The following SLC25A26 variants were observed in gnomAD, a reference collection of about 807,000 sequenced individuals.
The protein encoded by SLC25A26 is mitochondrial S-adenosylmethionine carrier protein.
SLC25A26 carries 36 observed loss-of-function variants against 37.8 expected under a neutral mutation model. That is an observed-to-expected ratio of 0.95 (90% CI 0.73 to 1.26). SLC25A26 has a LOEUF of 1.26. Ranked by LOEUF, SLC25A26 falls within the 50% of genes most tolerant of loss-of-function variation. The probability of loss-of-function intolerance (pLI) is 0.00; values close to 1 mark genes in which losing one functional copy is unlikely to be tolerated. For synonymous variants in SLC25A26, 129 were observed against 122.5 expected (o/e 1.05, Z -0.35); for missense variants, 390 against 331.1 (o/e 1.18, Z -1.38).
At chr3:66,321,947 T>C (rs1311520344) in intron 5 of SLC25A26, among the ~76,000 whole-genome samples, 1 of 151,996 alleles carries the variant, frequency 6.6e-6, no homozygotes, top group Admixed American at 6.6e-5. Flanking sequence ...AACTCGCCCT[T>C]TTATATGGAA....
At chr3:66,370,056 GA>G (rs1700263035) in intron 8 of SLC25A26, among the ~76,000 whole-genome samples, 1 of 152,214 alleles carries the variant, frequency 6.6e-6, no homozygotes, top group Non-Finnish European at 1.5e-5. Flanking sequence ...TATCTTTGTG[GA>G]AAAGTAGAAC....
intron 3 of SLC25A26, among the ~76,000 whole-genome samples, chr3:66,248,418 G>T (rs976800752): frequency 6.6e-6 from 1 of 152,172 alleles, no homozygotes; most frequent in African/African-American, 2.4e-5. Flanking sequence ...AGCCCTTTGG[G>T]AAGTAGAATC....
rs1387778936 is a variant in SLC25A26 at position 66,227,150 on chromosome 3, ATAACT to A, written c.33+6026_33+6030del. On this transcript the variant is annotated intron_variant, in intron 1 of 9. Transcript: ENST00000354883. ...TCGTTTAATGCGAAGACTTGCTGAC[ATAACT>A]TAGTCTGGGACATTTTCATCCTTTT... 2.6e-5 allele frequency among the ~76,000 whole-genome samples: 4 copies of A among 152,322 alleles called. No individual in the cohort carries two copies. In the East Asian group the frequency reaches 5.8e-4, roughly 22 times the overall value.
At chr3:66,140,258 C>T (rs28710956) in intron 1 of SLC25A26, among the ~76,000 whole-genome samples, 72,027 of 152,042 alleles carry the variant, frequency 0.47, 17,684 homozygotes, top group African/African-American at 0.6. Flanking sequence ...TTTGGATATG[C>T]GCCTTTTCTG....
intron 1 of SLC25A26, among the ~76,000 whole-genome samples, chr3:66,188,342 C>T (rs2070870257): frequency 6.6e-6 from 1 of 152,162 alleles, no homozygotes; most frequent in African/African-American, 2.4e-5. Context: ...GAAATTTGAT[C>T]CTCAGTGTTG....
chr3:66,267,397 G>A (rs748304238), intron 5 of SLC25A26, among the ~76,000 whole-genome samples: 1 of 152,186 alleles, frequency 6.6e-6, no homozygotes, highest in Non-Finnish European at 1.5e-5. Flanking sequence ...CTTCAAGAGA[G>A]CACGAAGTGG....
At chr3:66,285,136 TAAAC>T (rs1258511978) in intron 5 of SLC25A26, among the ~76,000 whole-genome samples, 1 of 152,188 alleles carries the variant, frequency 6.6e-6, no homozygotes, top group Non-Finnish European at 1.5e-5. Flanking sequence ...AATTATCTAT[TAAAC>T]AATCCATATG....
chr3:66,210,400 A>T (rs1422599075), intron 1 of SLC25A26, among the ~76,000 whole-genome samples: 2 of 152,140 alleles, frequency 1.3e-5, no homozygotes, highest in Admixed American at 1.3e-4. Context: ...ACTGGAAAAG[A>T]CAGTCTCCCT....
intron 5 of SLC25A26, among the ~76,000 whole-genome samples, chr3:66,326,364 A>G (rs750666006): frequency 3.9e-5 from 6 of 152,198 alleles, no homozygotes; most frequent in Admixed American, 1.3e-4. Flanking sequence ...TTCTGAGGAG[A>G]TGCATCCTCC....
At chr3:66,186,716 C>T (rs2070835628) in intron 1 of SLC25A26, among the ~76,000 whole-genome samples, 1 of 151,882 alleles carries the variant, frequency 6.6e-6, no homozygotes, top group Admixed American at 6.6e-5. Flanking sequence ...CTTACTCTTA[C>T]CCTGAGTCAT....
intron 9 of SLC25A26, among the ~76,000 whole-genome samples, chr3:66,371,566 C>T (rs1284093088): frequency 1.3e-5 from 2 of 152,060 alleles, no homozygotes; most frequent in South Asian, 2.1e-4. Context: ...AAGGGTGTCA[C>T]GGTTTTGAAA....
At chr3:66,200,672 T>C (rs1200937754) in intron 1 of SLC25A26, among the ~76,000 whole-genome samples, 1 of 152,340 alleles carries the variant, frequency 6.6e-6, no homozygotes, top group Non-Finnish European at 1.5e-5. Context: ...CAAGCAAACC[T>C]GTACTTATGT....
chr3:66,329,668 G>A (rs1190395706), intron 5 of SLC25A26, among the ~76,000 whole-genome samples: 2 of 152,098 alleles, frequency 1.3e-5, no homozygotes, highest in East Asian at 1.9e-4. Context: ...TAACAGACAC[G>A]AAAAGACCAT....
intron 1 of SLC25A26, among the ~76,000 whole-genome samples, chr3:66,175,107 G>GTATATATATATATA (rs1201695553): frequency 9.1e-4 from 73 of 80,384 alleles, no homozygotes; most frequent in Admixed American, 1.4e-3. Context: ...ATATGTGTGT[G>GTATATATATATATA]TGTATATATA....
At chr3:66,143,946 A>G (rs1179461853) in intron 1 of SLC25A26, among the ~76,000 whole-genome samples, 8 of 152,116 alleles carry the variant, frequency 5.3e-5, no homozygotes, top group Non-Finnish European at 1.2e-4. Context: ...GAGTCCTTCT[A>G]AGTAGGCACA....
intron 5 of SLC25A26, among the ~76,000 whole-genome samples, chr3:66,331,752 G>T (rs2075979295): frequency 6.6e-6 from 1 of 151,962 alleles, no homozygotes; most frequent in African/African-American, 2.4e-5. Flanking sequence ...ACTCAGAAAT[G>T]TTTATATGCC....
intron 5 of SLC25A26, among the ~76,000 whole-genome samples, chr3:66,283,529 A>C (rs1313386438): frequency 6.6e-6 from 1 of 152,078 alleles, no homozygotes; most frequent in Non-Finnish European, 1.5e-5. Context: ...CAGTCTGCCT[A>C]CCTTGGCATC....
At chr3:66,346,314 A>G (rs1401277411) in intron 5 of SLC25A26, 50 bp from the exon 6 acceptor site, 1 of 990,204 alleles carries the variant, frequency 1.0e-6, no homozygotes, top group Non-Finnish European at 1.5e-6. Flanking sequence ...ATACAGGCAA[A>G]CTTGGCTCTT....
rs60424949 is a variant in SLC25A26, at chr3:66,324,821, C to A, written c.454-21543C>A. The stretch of plus-strand genomic sequence containing the variant: ...GGTTTTTTTTTTTGGCTTTTTTTGC[C>A]TTATATTCTCTGTCTTTTGGGAGAA... On this transcript the variant is annotated intron_variant, in intron 5 of 9. Coordinates refer to ENST00000354883, the MANE Select transcript of SLC25A26 (RefSeq NM_001379210.1). Among the ~76,000 whole-genome samples, 6,486 of 150,018 alleles carry A rather than the reference C, an allele frequency of 0.043. 1,234 individuals carry two copies. The East Asian group carries it at 0.61, about 14-fold the overall frequency.
Sources: allele counts gnomAD v4.1 joint callset (sites outside exome capture counted in the v4.1 genomes callset), GRCh38; gene constraint gnomAD v4.1.1; transcripts MANE v1.5; gene names NCBI Gene and HGNC (gene_info 2026-07-23, HGNC 2026-07-21).